HAGH: variants seen among roughly 807,000 people sequenced by gnomAD.
HAGH encodes hydroxyacylglutathione hydrolase, mitochondrial.
HAGH carries 29 observed loss-of-function variants against 35.1 expected under a neutral mutation model. The ratio of observed to expected loss-of-function variants is 0.83; its 90% CI spans 0.62 to 1.13. The LOEUF is 1.13. Among genes scored for constraint, HAGH ranks in the 50% most tolerant of loss-of-function variants. The pLI, the probability that HAGH is intolerant of heterozygous loss-of-function variation, is 0.00. For synonymous variants in HAGH, 225 were observed against 176.1 expected (o/e 1.28, Z -2.20); for missense variants, 478 against 419.6 (o/e 1.14, Z -1.22).
chr16:1,815,793 C>T (rs149540886), intron 7 of HAGH, among the ~76,000 whole-genome samples: 8,434 of 152,092 alleles, frequency 0.055, 256 homozygotes, highest in East Asian at 0.12. Flanking sequence ...CCAAGGCAGG[C>T]GGATTACCTG....
At chr16:1,821,520 T>C (rs994919435) in intron 3 of HAGH, 1 of 152,244 alleles carries the variant, frequency 6.6e-6, no homozygotes, top group African/African-American at 2.4e-5. Flanking sequence ...CAAAAATTTC[T>C]AAAAGCCAAA....
intron 7 of HAGH, chr16:1,810,087 C>T: frequency 2.0e-6 from 1 of 502,488 alleles, no homozygotes. Flanking sequence ...ATCGCTTGAG[C>T]ACAGGTCGAG....
At chr16:1,818,484 G>C (rs1277806747) in intron 5 of HAGH, 3 of 152,366 alleles carry the variant, frequency 2.0e-5, no homozygotes. Context: ...GTTCAAGGCT[G>C]GGGCTGCCAC....
intron 7 of HAGH, among the ~76,000 whole-genome samples, chr16:1,813,735 C>T (rs904951539): frequency 1.1e-4 from 17 of 152,192 alleles, no homozygotes; most frequent in African/African-American, 3.6e-4. Context: ...ATGTAAAAGG[C>T]TTAAAACAAC....
chr16:1,811,971 A>G (rs1184523976), intron 7 of HAGH, among the ~76,000 whole-genome samples: 1 of 152,092 alleles, frequency 6.6e-6, no homozygotes, highest in Non-Finnish European at 1.5e-5. Context: ...CAGGAGGATC[A>G]CTTGAGCCCA....
At chr16:1,826,672 G>T in intron 1 of HAGH, 40 bp downstream of exon 1, 1 of 974,066 alleles carries the variant, frequency 1.0e-6, no homozygotes, top group Non-Finnish European at 1.2e-6. Context: ...CGCCCCGCCA[G>T]GCCCGCGTCC....
intron 4 of HAGH, 70 bp downstream of exon 4, chr16:1,819,827 G>A (rs1305126741): frequency 1.6e-5 from 15 of 930,024 alleles, no homozygotes; most frequent in East Asian, 9.6e-5. Context: ...GAGAGAATGC[G>A]GGGAGGGACC....
chr16:1,817,243 C>T lies in HAGH; in HGVS notation c.570G>A (p.Gly190=), dbSNP rs773821114. ...CATCCGCAGTCCCTTCATAGAACTT[C>T]CCGCAGCCAGCCACAAACAAGGTGT... is the stretch of plus-strand genomic sequence containing the variant. ...TGDTLFVAGC[G]KFYEGTADEM... is the part of the protein sequence containing the mutation. Residue 190 remains glycine (G), a synonymous_variant, in exon 6 of 9, where the codon GGG becomes GGA. Transcript: ENST00000397356. 25 of 1,613,160 alleles carry T rather than the reference C, an allele frequency of 1.5e-5. 1 individual carries two copies. The South Asian group carries it at 2.6e-4, about 17-fold the overall frequency.
At chr16:1,821,965 T>A (rs56254889) in intron 3 of HAGH, 17,269 of 221,890 alleles carry the variant, frequency 0.078, 1,096 homozygotes, top group African/African-American at 0.15. Flanking sequence ...TTTTTTTTTT[T>A]TAAAAACCAC....
intron 2 of HAGH, 29 bp from the exon 3 acceptor site, chr16:1,822,393 C>A (rs1487388308): frequency 6.4e-7 from 1 of 1,552,732 alleles, no homozygotes; most frequent in East Asian, 2.2e-5. Flanking sequence ...AGGACAAAGG[C>A]CTGTCACACT....
At chr16:1,817,503 A>C (rs1897960591) in intron 5 of HAGH, among the ~76,000 whole-genome samples, 2 of 151,734 alleles carry the variant, frequency 1.3e-5, no homozygotes, top group Admixed American at 6.6e-5. Flanking sequence ...CCGAAACCCA[A>C]GTCACTCCTC....
chr16:1,815,879 C>T (rs935377692), intron 7 of HAGH, among the ~76,000 whole-genome samples: 2 of 147,064 alleles, frequency 1.4e-5, no homozygotes, highest in African/African-American at 5.0e-5. Flanking sequence ...ATTAGCTGGG[C>T]GTGTTGGCTG....
intron 7 of HAGH, among the ~76,000 whole-genome samples, chr16:1,815,102 A>G (rs1339162964): frequency 1.1e-5 from 1 of 94,190 alleles, no homozygotes; most frequent in Non-Finnish European, 2.2e-5. Context: ...GCCGACACAC[A>G]TGAAAAGATG....
At chr16:1,820,283 G>C (rs1310516136) in intron 3 of HAGH, among the ~76,000 whole-genome samples, 1 of 152,094 alleles carries the variant, frequency 6.6e-6, no homozygotes, top group Non-Finnish European at 1.5e-5. Flanking sequence ...CCACATCCTA[G>C]GGCAGTGGGT....
upstream of HAGH, chr16:1,826,972 G>C: frequency 1.6e-6 from 1 of 611,260 alleles, no homozygotes; most frequent in Non-Finnish European, 2.6e-6. Context: ...ACTGCCACGG[G>C]CCGGGAGACG....
At chr16:1,822,668 T>G (rs1280674899) in intron 2 of HAGH, among the ~76,000 whole-genome samples, 197 bp downstream of exon 2, 1 of 152,200 alleles carries the variant, frequency 6.6e-6, no homozygotes, top group Non-Finnish European at 1.5e-5. Flanking sequence ...GTGCCCAGGA[T>G]TGTACTGCAC....
At chr16:1,823,291 G>A (rs1313001577) in intron 1 of HAGH, among the ~76,000 whole-genome samples, 5 of 140,638 alleles carry the variant, frequency 3.6e-5, no homozygotes, top group East Asian at 4.3e-4. Flanking sequence ...TTTTTGAGAC[G>A]GAGTCTCGCT....
At chr16:1,811,706 ACT>A (rs1423492048) in intron 7 of HAGH, among the ~76,000 whole-genome samples, 4 of 151,778 alleles carry the variant, frequency 2.6e-5, no homozygotes, top group Non-Finnish European at 5.9e-5. Flanking sequence ...ACAGAGTGAG[ACT>A]CTGCCTCAAA....
rs1423711356 is a variant in HAGH, at chr16:1,809,405, G to A, written c.828-23C>T. On this transcript the variant is annotated intron_variant, in intron 8 of 8. Coordinates refer to ENST00000397356, the MANE Select transcript of HAGH (RefSeq NM_005326.6). ...TCCCTGCGGAGGCCAGCACCGGGCT[G>A]CAGGCTGTGCCGAGCCACGCCCACC... 3.6e-5 allele frequency: 57 copies of A among 1,588,784 alleles called. No homozygotes were observed. The Admixed American group carries it at 9.0e-4, about 25-fold the overall frequency.
Sources: allele counts gnomAD v4.1 joint callset (sites outside exome capture counted in the v4.1 genomes callset), GRCh38; gene constraint gnomAD v4.1.1; transcripts MANE v1.5; gene names NCBI Gene and HGNC (gene_info 2026-07-23, HGNC 2026-07-21).